Variants in CDADC1 observed in about 807,000 individuals in gnomAD.
CDADC1 encodes the protein dCTP deaminase.
In CDADC1, 39 loss-of-function variants were observed where a neutral mutation model predicts 54.9. The ratio of observed to expected loss-of-function variants is 0.71; its 90% CI spans 0.55 to 0.93. The LOEUF (loss-of-function observed/expected upper bound fraction) is 0.93. Ranked by LOEUF, CDADC1 falls within the 40% of genes least tolerant of loss-of-function variation. CDADC1 has a pLI of 0.00. For synonymous variants in CDADC1, 186 were observed against 204.0 expected (o/e 0.91, Z 0.75); for missense variants, 518 against 618.8 (o/e 0.84, Z 1.73).
chr13:49,254,404 CTTT>C (rs11311095), intron 2 of CDADC1, among the ~76,000 whole-genome samples: 315 of 116,214 alleles, frequency 2.7e-3, no homozygotes, highest in African/African-American at 8.2e-3. Context: ...CTATCCCACC[CTTT>C]TTTTTTTTTT....
rs772594445 is a variant in CDADC1 at position 49,248,972 on chromosome 13, T to A, written c.177+7T>A. On this transcript the variant is annotated splice_region_variant and intron_variant, in intron 2 of 9. Transcript: ENST00000251108. ...CCAGCGGCAAAAATCTCAGGTATAA[T>A]TTGTTTCATAGTTTTTCCCCTTAGA... 5.9e-5 allele frequency: 92 copies of A among 1,570,668 alleles called. No homozygotes were observed. The South Asian group carries it at 1.0e-3, about 17-fold the overall frequency.
chr13:49,288,293 T>G (rs1018346497), intron 9 of CDADC1, among the ~76,000 whole-genome samples: 1 of 152,206 alleles, frequency 6.6e-6, no homozygotes, highest in Non-Finnish European at 1.5e-5. Context: ...CAGTAAGCAA[T>G]ACCCCATTTC....
intron 9 of CDADC1, among the ~76,000 whole-genome samples, chr13:49,287,464 C>T (rs1953550927): frequency 7.3e-6 from 1 of 136,928 alleles, no homozygotes; most frequent in African/African-American, 2.9e-5. Context: ...GCAAAAAAGG[C>T]TGTATCTATC....
chr13:49,269,374 TATTAAACC>T (rs1952907300), intron 5 of CDADC1, among the ~76,000 whole-genome samples: 1 of 151,862 alleles, frequency 6.6e-6, no homozygotes. Flanking sequence ...AACCCAGACC[TATTAAACC>T]AAGTCCCTAA....
At chr13:49,274,628 G>A (rs1953054844) in intron 6 of CDADC1, among the ~76,000 whole-genome samples, 2 of 151,862 alleles carry the variant, frequency 1.3e-5, no homozygotes, top group South Asian at 4.2e-4. Flanking sequence ...CAGAGATCGT[G>A]CCACTGCACT....
At chr13:49,281,471 A>G (rs1953332808) in intron 8 of CDADC1, among the ~76,000 whole-genome samples, 1 of 152,142 alleles carries the variant, frequency 6.6e-6, no homozygotes, top group African/African-American at 2.4e-5. Flanking sequence ...TCATCAGGCA[A>G]TAGATTCTCA....
intron 4 of CDADC1, among the ~76,000 whole-genome samples, chr13:49,262,134 G>A (rs181292124): frequency 6.6e-6 from 1 of 152,144 alleles, no homozygotes; most frequent in Admixed American, 6.5e-5. Context: ...CGAGGTCAAT[G>A]TTATTTTCAT....
At chr13:49,282,118 C>T (rs1164336674) in intron 8 of CDADC1, among the ~76,000 whole-genome samples, 1 of 151,296 alleles carries the variant, frequency 6.6e-6, no homozygotes, top group East Asian at 1.9e-4. Context: ...ACGACTGGCC[C>T]GGGAAAAAAA....
chr13:49,259,793 C>G (rs1331784406), intron 4 of CDADC1, among the ~76,000 whole-genome samples: 1 of 151,934 alleles, frequency 6.6e-6, no homozygotes, highest in Non-Finnish European at 1.5e-5. Context: ...GATACAATGA[C>G]CCGTGATTGC....
At chr13:49,258,850 T>G (rs1185294908) in intron 3 of CDADC1, among the ~76,000 whole-genome samples, 1 of 152,258 alleles carries the variant, frequency 6.6e-6, no homozygotes, top group African/African-American at 2.4e-5. Context: ...GGTCAATATC[T>G]AAAATATTTT....
intron 8 of CDADC1, among the ~76,000 whole-genome samples, chr13:49,285,827 T>G (rs1292473264): frequency 1.8e-4 from 28 of 152,026 alleles, no homozygotes; most frequent in Non-Finnish European, 1.2e-4. Flanking sequence ...TTTTTTTTTT[T>G]TTTCAAGATG....
Position 49,292,372 on chromosome 13 carries a change from C to T in CDADC1, c.*615C>T, listed in dbSNP as rs1350739319. 8 of 989,308 alleles carry T rather than the reference C, an allele frequency of 8.1e-6. No homozygotes were observed. The African/African-American group carries it at 8.7e-5, about 11-fold the overall frequency. 61.3% of individuals were successfully genotyped at this position (989,308 alleles called of 1,614,324 possible). On this transcript the variant is annotated 3_prime_UTR_variant, in exon 10 of 10. Transcript: ENST00000251108. Reference sequence around the variant, plus strand: ...CCTGTTTATCACAGACTTTGGGTAGCAATAGGAAGAGAGTGTTATTCTGAG... The same window carrying T: ...CCTGTTTATCACAGACTTTGGGTAGTAATAGGAAGAGAGTGTTATTCTGAG...
intron 2 of CDADC1, 50 bp downstream of exon 2, chr13:49,249,015 T>A: frequency 8.5e-7 from 1 of 1,172,148 alleles, no homozygotes. Context: ...TGGTTTAAAA[T>A]CTGAGTTTAT....
chr13:49,269,986 A>AT (rs542923702), intron 5 of CDADC1, among the ~76,000 whole-genome samples: 162 of 150,414 alleles, frequency 1.1e-3, no homozygotes, highest in African/African-American at 3.0e-3. Context: ...ATTGTTGGTG[A>AT]TTTTTTTTTT....
intron 4 of CDADC1, among the ~76,000 whole-genome samples, chr13:49,266,925 G>A (rs1161728021): frequency 6.6e-6 from 1 of 152,114 alleles, no homozygotes; most frequent in Non-Finnish European, 1.5e-5. Context: ...AACAGCCATG[G>A]CACCATGGAG....
intron 4 of CDADC1, among the ~76,000 whole-genome samples, chr13:49,264,959 G>GA (rs1952782194): frequency 2.0e-5 from 3 of 152,164 alleles, no homozygotes; most frequent in Admixed American, 2.0e-4. Flanking sequence ...TCTAAAGCCA[G>GA]TTACTGGCAG....
chr13:49,287,516 GTCTC>G (rs1381296039), intron 9 of CDADC1, among the ~76,000 whole-genome samples: 5 of 150,846 alleles, frequency 3.3e-5, no homozygotes, highest in South Asian at 2.1e-4. Context: ...CTATCGGTCT[GTCTC>G]TCTGTCTATC....
intron 2 of CDADC1, among the ~76,000 whole-genome samples, chr13:49,253,542 C>T (rs747741949): frequency 6.6e-6 from 1 of 152,172 alleles, no homozygotes; most frequent in African/African-American, 2.4e-5. Flanking sequence ...GTAACTCTAC[C>T]TCTCTGTGTC....
chr13:49,252,007 A>G (rs1382945022), intron 2 of CDADC1, among the ~76,000 whole-genome samples: 1 of 152,210 alleles, frequency 6.6e-6, no homozygotes, highest in Non-Finnish European at 1.5e-5. Flanking sequence ...ACGCATGTCT[A>G]TTTAAGGCTT....
Sources: allele counts gnomAD v4.1 joint callset (sites outside exome capture counted in the v4.1 genomes callset), GRCh38; gene constraint gnomAD v4.1.1; transcripts MANE v1.5; gene names NCBI Gene and HGNC (gene_info 2026-07-23, HGNC 2026-07-21).